CEP63: variants seen among roughly 807,000 people sequenced by gnomAD.
The protein encoded by CEP63 is centrosomal protein 63.
CEP63 carries 84 observed loss-of-function variants against 89.1 expected under a neutral mutation model. That is an observed-to-expected ratio of 0.94 (90% CI 0.79 to 1.13). CEP63 has a LOEUF of 1.13. CEP63 is among the 50% of genes most tolerant of loss of function. The pLI, the probability that CEP63 is intolerant of heterozygous loss-of-function variation, is 0.00. For missense variants in CEP63, 838 were observed against 813.3 expected, an observed-to-expected ratio of 1.03 and a Z score of -0.37; for synonymous variants, 267 against 272.5, an observed-to-expected ratio of 0.98 and a Z score of 0.20.
At chr3:134,733,674 CA>C in the CEP63 span, among the ~76,000 whole-genome samples, 1 of 151,666 alleles carries the variant, frequency 6.6e-6, no homozygotes, top group Non-Finnish European at 1.5e-5. Context: ...GGTGCAGCTT[CA>C]AACCAAGGAA....
the CEP63 span, among the ~76,000 whole-genome samples, chr3:134,770,699 G>A: frequency 6.6e-6 from 1 of 151,988 alleles, no homozygotes; most frequent in Non-Finnish European, 1.5e-5. Context: ...GTTGATGAGG[G>A]GTGAGATAAC....
intron 6 of CEP63, among the ~76,000 whole-genome samples, chr3:134,539,439 A>G (rs571536019): frequency 1.3e-5 from 2 of 152,326 alleles, no homozygotes; most frequent in South Asian, 2.1e-4. Flanking sequence ...TTATTTCCCA[A>G]CAGGTAAGGA....
Position 134,564,363 on chromosome 3 carries a change from T to G in CEP63, c.*2828T>G. 1.0e-6 allele frequency: 1 copy of G among 985,534 alleles called. No individual in the cohort carries two copies. The highest frequency in any genetic ancestry group is 4.7e-5 in the South Asian group (1 of 21,288). 61.0% of individuals were successfully genotyped at this position (985,534 alleles called of 1,614,324 possible). On this transcript the variant is annotated 3_prime_UTR_variant, in exon 15 of 15. Coordinates refer to ENST00000675561, the MANE Select transcript of CEP63 (RefSeq NM_001353108.3). The stretch of plus-strand genomic sequence containing the variant: ...TGTGCTCCTAAAACTCCCCCTTTAC[T>G]TGGCTACTTTATCTGGCTTGGCAAA...
chr3:134,503,360 C>T (rs148297595), intron 2 of CEP63, among the ~76,000 whole-genome samples: 1 of 152,030 alleles, frequency 6.6e-6, no homozygotes, highest in African/African-American at 2.4e-5. Flanking sequence ...TAGCTTTTGT[C>T]CATTGTGGTC....
At chr3:134,712,150 G>T in the CEP63 span, among the ~76,000 whole-genome samples, 1 of 151,990 alleles carries the variant, frequency 6.6e-6, no homozygotes, top group South Asian at 2.1e-4. Flanking sequence ...CATGTGCTTT[G>T]GTGAGAGCAG....
chr3:134,540,222 A>G (rs536923917), intron 6 of CEP63, among the ~76,000 whole-genome samples: 94 of 152,310 alleles, frequency 6.2e-4, no homozygotes, highest in Middle Eastern at 3.4e-3. Context: ...TCACAGCTTT[A>G]AAATTTTTCC....
chr3:134,756,507 C>G, the CEP63 span, among the ~76,000 whole-genome samples: 1 of 152,202 alleles, frequency 6.6e-6, no homozygotes, highest in Non-Finnish European at 1.5e-5. Flanking sequence ...GTGTGTGCCA[C>G]CACACCTGGA....
chr3:134,532,165 G>T (rs1168158266), intron 4 of CEP63, among the ~76,000 whole-genome samples: 1 of 152,148 alleles, frequency 6.6e-6, no homozygotes, highest in Non-Finnish European at 1.5e-5. Flanking sequence ...ATGTTTCTTG[G>T]TTGAGTACCT....
At chr3:134,778,437 T>C in the CEP63 span, among the ~76,000 whole-genome samples, 91,373 of 152,126 alleles carry the variant, frequency 0.6, 30,897 homozygotes, top group East Asian at 0.87. Context: ...TTTGATAGTA[T>C]GGCTGAATCA....
At chr3:134,772,270 C>A in the CEP63 span, among the ~76,000 whole-genome samples, 7 of 41,528 alleles carry the variant, frequency 1.7e-4, no homozygotes, top group African/African-American at 6.1e-4. Context: ...TGCCAGACAC[C>A]CCGTGCAGCT....
intron 9 of CEP63, 132 bp downstream of exon 9, chr3:134,547,604 G>GGTATTATTTATTTTTT: frequency 5.6e-6 from 1 of 179,010 alleles, no homozygotes; most frequent in Middle Eastern, 1.6e-3. Context: ...AATGGCCTAA[G>GGTATTATTTATTTTTT]TTCTTATTTC....
At chr3:134,748,876 A>G in the CEP63 span, among the ~76,000 whole-genome samples, 28 of 152,188 alleles carry the variant, frequency 1.8e-4, no homozygotes, top group Non-Finnish European at 3.5e-4. Context: ...GGGCACCCAG[A>G]AAGGGAGTGG....
chr3:134,550,680 G>A (rs1954624959), intron 11 of CEP63, among the ~76,000 whole-genome samples: 1 of 152,036 alleles, frequency 6.6e-6, no homozygotes, highest in Non-Finnish European at 1.5e-5. Flanking sequence ...GGGATGAGTG[G>A]AAGGTATGAG....
the CEP63 span, among the ~76,000 whole-genome samples, chr3:134,664,560 C>CA: frequency 5.5e-4 from 83 of 152,286 alleles, no homozygotes; most frequent in Non-Finnish European, 8.5e-4. Flanking sequence ...GTGATGTGCG[C>CA]ACAGGTGTTT....
chr3:134,524,151 G>T (rs1948134453), intron 3 of CEP63, among the ~76,000 whole-genome samples: 1 of 152,016 alleles, frequency 6.6e-6, no homozygotes, highest in Admixed American at 6.6e-5. Flanking sequence ...TGTGACATTT[G>T]TGAATGGGAT....
chr3:134,695,663 A>G, the CEP63 span, among the ~76,000 whole-genome samples: 60 of 152,202 alleles, frequency 3.9e-4, no homozygotes, highest in Non-Finnish European at 7.8e-4. Context: ...TACCCAGAGA[A>G]AGGCGTAATG....
exon 11 of CEP63, among the ~76,000 whole-genome samples, chr3:134,587,498 G>A (rs979292438): frequency 1.3e-5 from 2 of 152,232 alleles, no homozygotes; most frequent in Admixed American, 6.5e-5. Flanking sequence ...CACTCCAGAC[G>A]CTGTTTGCCT....
the CEP63 span, among the ~76,000 whole-genome samples, chr3:134,707,442 C>CAAT: frequency 6.6e-6 from 1 of 152,158 alleles, no homozygotes; most frequent in African/African-American, 2.4e-5. Context: ...ATAGCACAAG[C>CAAT]AATTGGATGA....
At chr3:134,726,455 G>C in the CEP63 span, among the ~76,000 whole-genome samples, 7 of 51,072 alleles carry the variant, frequency 1.4e-4, no homozygotes, top group African/African-American at 2.7e-4. Flanking sequence ...CAGGCACACA[G>C]ACAGACACAC....
Sources: allele counts gnomAD v4.1 joint callset (sites outside exome capture counted in the v4.1 genomes callset), GRCh38; gene constraint gnomAD v4.1.1; transcripts MANE v1.5; gene names NCBI Gene and HGNC (gene_info 2026-07-23, HGNC 2026-07-21).